Variants in NALCN observed in about 807,000 individuals in gnomAD.
NALCN encodes the protein sodium leak channel NALCN.
Under a neutral mutation model 225.3 loss-of-function variants are expected in NALCN, and 111 were observed. That is an observed-to-expected ratio of 0.49 (90% CI 0.42 to 0.58). The LOEUF is 0.58. Ranked by LOEUF, NALCN falls within the 20% of genes least tolerant of loss-of-function variation. NALCN has a pLI of 0.00. For synonymous variants in NALCN, 764 were observed against 769.0 expected, an observed-to-expected ratio of 0.99 and a Z score of 0.11; for missense variants, 1,378 against 2,202.4, an observed-to-expected ratio of 0.63 and a Z score of 7.49.
intron 17 of NALCN, among the ~76,000 whole-genome samples, chr13:101,134,508 T>C (rs1421613487): frequency 6.6e-6 from 1 of 152,260 alleles, no homozygotes; most frequent in African/African-American, 2.4e-5. Context: ...TGAAATATAT[T>C]TGAAAATTGA....
At position 101,100,366 on chromosome 13, in the gene NALCN, G is replaced by C. The variant is rs78225056; in HGVS notation, c.3162+418C>G. ...GGTGACCACACTCAAGTTGTCAACA[G>C]TGGGTTGACACTGGAATAGGAGGGA... On this transcript the variant is annotated intron_variant, in intron 27 of 43. Coordinates refer to ENST00000251127, the MANE Select transcript of NALCN (RefSeq NM_052867.4). Among the ~76,000 whole-genome samples the C allele has an allele frequency of 6.1e-3, 930 of 152,332 alleles. 9 individuals are homozygous for C. The highest frequency in any genetic ancestry group is 0.02 in the Middle Eastern group (6 of 294).
chr13:101,140,847 T>C (rs1163174858), intron 17 of NALCN, among the ~76,000 whole-genome samples: 2 of 152,112 alleles, frequency 1.3e-5, no homozygotes, highest in East Asian at 3.9e-4. Context: ...TCACTTGAGC[T>C]CAGGAGTTCA....
intron 7 of NALCN, among the ~76,000 whole-genome samples, chr13:101,320,995 G>A (rs1421385971): frequency 3.3e-5 from 5 of 152,096 alleles, no homozygotes; most frequent in Non-Finnish European, 5.9e-5. Context: ...TGGTATAGGT[G>A]ACAATACCAT....
chr13:101,148,845 A>G (rs2037488101), intron 15 of NALCN, among the ~76,000 whole-genome samples: 1 of 152,250 alleles, frequency 6.6e-6, no homozygotes, highest in Non-Finnish European at 1.5e-5. Flanking sequence ...AGATAAGCAT[A>G]AAATATCTAT....
intron 7 of NALCN, among the ~76,000 whole-genome samples, chr13:101,323,368 G>A (rs905260364): frequency 2.6e-5 from 4 of 152,060 alleles, no homozygotes; most frequent in Non-Finnish European, 4.4e-5. Context: ...CAAATTTTAC[G>A]GCATAATCTG....
At position 101,272,016 on chromosome 13, in the gene NALCN, CTGTG is replaced by C. The variant is rs201190219; in HGVS notation, c.1134+11913_1134+11916del. On this transcript the variant is annotated intron_variant, in intron 10 of 43. Coordinates refer to ENST00000251127, the MANE Select transcript of NALCN (RefSeq NM_052867.4). ...TGTGTGTGTCTGCGATTGTGTGTCA[CTGTG>C]TGTGTATGTACATGTGAGTTGTGTG... 1.2e-3 allele frequency among the ~76,000 whole-genome samples: 184 copies of C among 151,108 alleles called. 1 individual carries two copies. Among genetic ancestry groups the C allele is most frequent in the African/African-American group, 3.8e-3 (156 of 41,094 alleles).
chr13:101,102,909 T>G (rs1013880623), intron 26 of NALCN, among the ~76,000 whole-genome samples: 1 of 152,126 alleles, frequency 6.6e-6, no homozygotes, highest in African/African-American at 2.4e-5. Flanking sequence ...AGTCAAGAGG[T>G]TAGTACCGAA....
chr13:101,135,155 G>A (rs1301222240), intron 17 of NALCN, among the ~76,000 whole-genome samples: 3 of 152,126 alleles, frequency 2.0e-5, no homozygotes, highest in African/African-American at 4.8e-5. Flanking sequence ...AGATCGTGCC[G>A]CTGCACCCCA....
chr13:101,182,328 C>T (rs2039274306), intron 14 of NALCN, among the ~76,000 whole-genome samples: 1 of 152,038 alleles, frequency 6.6e-6, no homozygotes, highest in African/African-American at 2.4e-5. Flanking sequence ...TAGGAGAAGG[C>T]AAGACTCCTA....
rs34604121 is a variant in NALCN at position 101,120,520 on chromosome 13, TAA to T, written c.2192+4086_2192+4087del. Among the ~76,000 whole-genome samples, 544 of 139,088 alleles carry T rather than the reference TAA, an allele frequency of 3.9e-3. 7 individuals carry two copies. Among genetic ancestry groups the T allele is most frequent in the African/African-American group, 0.013 (491 of 38,940 alleles). The allele number at this position is 139,088 out of a possible 152,430, so 91.2% of individuals were successfully genotyped here. ...ACCCAATGGGGATCAATGCCAAACT[TAA>T]AAAAAAAAAAAAACCACTATAAAAG... On this transcript the variant is annotated intron_variant, in intron 18 of 43. Transcript: ENST00000251127.
intron 7 of NALCN, among the ~76,000 whole-genome samples, chr13:101,341,030 A>G (rs1229809027): frequency 6.6e-6 from 1 of 152,174 alleles, no homozygotes; most frequent in Non-Finnish European, 1.5e-5. Context: ...TATAAATGTT[A>G]CTTTTTTAAC....
At chr13:101,211,940 C>T (rs1043092905) in intron 13 of NALCN, among the ~76,000 whole-genome samples, 1 of 151,894 alleles carries the variant, frequency 6.6e-6, no homozygotes, top group East Asian at 1.9e-4. Context: ...AACATTTCTT[C>T]CAGTGTAACT....
chr13:101,173,903 G>T (rs9518331), intron 15 of NALCN, among the ~76,000 whole-genome samples: 37,685 of 152,000 alleles, frequency 0.25, 5,397 homozygotes, highest in Non-Finnish European at 0.33. Flanking sequence ...GTATCCACAT[G>T]ACCACATGTG....
chr13:101,108,052 A>G (rs2035234858), intron 20 of NALCN, among the ~76,000 whole-genome samples: 1 of 148,062 alleles, frequency 6.8e-6, no homozygotes. Context: ...GTATATTTAT[A>G]CTAAGTATAT....
chr13:101,083,630 T>G, intron 31 of NALCN, 81 bp downstream of exon 31: 6 of 1,392,494 alleles, frequency 4.3e-6, no homozygotes, highest in Non-Finnish European at 6.0e-6. Context: ...TCACGATTAT[T>G]ATTTTAATTT....
intron 9 of NALCN, among the ~76,000 whole-genome samples, chr13:101,284,229 CTACT>C (rs1267629663): frequency 5.3e-5 from 8 of 152,166 alleles, no homozygotes; most frequent in Non-Finnish European, 1.2e-4. Context: ...AGTTTATTGA[CTACT>C]TGCTATGTCA....
At chr13:101,092,493 G>C (rs1212650064) in intron 28 of NALCN, among the ~76,000 whole-genome samples, 3 of 152,168 alleles carry the variant, frequency 2.0e-5, no homozygotes, top group Admixed American at 2.0e-4. Flanking sequence ...CCAAACCTAT[G>C]CCTAGACTTT....
At chr13:101,271,003 A>G (rs759031839) in intron 10 of NALCN, among the ~76,000 whole-genome samples, 22 of 152,324 alleles carry the variant, frequency 1.4e-4, no homozygotes, top group Middle Eastern at 6.8e-3. Flanking sequence ...CCTAATTAAT[A>G]TAATTGTAAA....
intron 14 of NALCN, 86 bp from the exon 15 acceptor site, chr13:101,176,460 A>G (rs1351083033): frequency 1.7e-5 from 15 of 888,386 alleles, no homozygotes; most frequent in Non-Finnish European, 6.5e-6. Flanking sequence ...CCTAAAATAT[A>G]TTGAGTATAT....
Sources: gnomAD v4.1 joint callset for allele counts (sites outside exome capture counted in the v4.1 genomes callset) on GRCh38, gnomAD v4.1.1 for gene constraint, MANE v1.5 for transcripts, NCBI Gene and HGNC (gene_info 2026-07-23, HGNC 2026-07-21) for gene names.